HEATR5B: variants seen among roughly 807,000 people sequenced by gnomAD.
HEATR5B encodes HEAT repeat-containing protein 5B.
In HEATR5B, 156 loss-of-function variants were observed where a neutral mutation model predicts 224.1. The observed-to-expected ratio is 0.70, with a 90% CI of 0.61 to 0.80. The LOEUF is 0.80. HEATR5B is among the 30% of genes least tolerant of loss of function. The pLI, the probability that HEATR5B is intolerant of heterozygous loss-of-function variation, is 0.00. For synonymous variants in HEATR5B, 1,027 were observed against 893.0 expected, an observed-to-expected ratio of 1.15 and a Z score of -2.68; for missense variants, 2,323 against 2,535.5, an observed-to-expected ratio of 0.92 and a Z score of 1.80.
rs750565370 is a variant in HEATR5B, at chr2:37,084,304, G to C, written c.-58C>G. 11 of 397,646 alleles carry C rather than the reference G, an allele frequency of 2.8e-5. No individual in the cohort carries two copies. The East Asian group carries it at 2.9e-4, about 10-fold the overall frequency. The allele number at this position is 397,646 out of a possible 1,614,324, so 24.6% of individuals were successfully genotyped here. ...GGAAGGGAAGATCAGCTGAGCTCCG[G>C]GGGTAGAAGCAGCCACCAAGAGACC... On this transcript the variant is annotated 5_prime_UTR_variant, in exon 1 of 36. Transcript: ENST00000233099.
intron 33 of HEATR5B, among the ~76,000 whole-genome samples, chr2:36,992,151 T>C (rs764116249): frequency 2.6e-5 from 4 of 152,134 alleles, no homozygotes; most frequent in African/African-American, 4.8e-5. Context: ...TGAGCCAAGA[T>C]TGCGCCACTG....
At chr2:37,049,598 T>C (rs1055434380) in intron 18 of HEATR5B, 55 bp downstream of exon 18, 14 of 1,442,464 alleles carry the variant, frequency 9.7e-6, no homozygotes, top group Non-Finnish European at 1.3e-5. Context: ...TTGATTATTA[T>C]TTAAAAGACA....
At chr2:37,024,295 G>A (rs887151544) in intron 24 of HEATR5B, among the ~76,000 whole-genome samples, 2 of 152,082 alleles carry the variant, frequency 1.3e-5, no homozygotes, top group African/African-American at 4.8e-5. Flanking sequence ...AGTTAAATAG[G>A]AGGAATAAGT....
chr2:36,992,881 T>C (rs1236787530), intron 33 of HEATR5B, among the ~76,000 whole-genome samples: 1 of 151,916 alleles, frequency 6.6e-6, no homozygotes, highest in Non-Finnish European at 1.5e-5. Flanking sequence ...TGCACCACCA[T>C]GTACAGCTGA....
At chr2:37,066,698 T>G (rs917208735) in intron 8 of HEATR5B, among the ~76,000 whole-genome samples, 1 of 152,178 alleles carries the variant, frequency 6.6e-6, no homozygotes, top group Non-Finnish European at 1.5e-5. Context: ...TATCATTATA[T>G]TTAATTCTGC....
intron 26 of HEATR5B, among the ~76,000 whole-genome samples, chr2:37,016,843 A>G (rs932720866): frequency 6.6e-6 from 1 of 152,204 alleles, no homozygotes; most frequent in South Asian, 2.1e-4. Flanking sequence ...ATTAATAAGG[A>G]CATTTTTAAC....
In HEATR5B at chr2:36,990,671, C is replaced by T. The variant is rs1666267852; in HGVS notation, c.5674G>A (p.Ala1892Thr). ...ACCCATGGGTCGCATGAATTTAATG[C>T]ATTTTTAAATCTGTTCATGCAGCCA... ...QNGCMNRFKN[A>T]LNSCDPWVQA... Residue 1892 changes from alanine (A) to threonine (T), a missense_variant, in exon 34 of 36, where the codon GCA (alanine) becomes ACA (threonine). By Grantham distance (58) the Ala-to-Thr change is moderately conservative. Around this residue, in one of 12 missense-constraint regions of HEATR5B, gnomAD observed 844 missense variants for 812.9 expected, o/e 1.04. Coordinates refer to ENST00000233099, the MANE Select transcript of HEATR5B (RefSeq NM_019024.3). The T allele has an allele frequency of 3.1e-6, 5 of 1,594,068 alleles. No homozygotes were observed. The highest frequency in any genetic ancestry group is 2.6e-6 in the Non-Finnish European group (3 of 1,170,422).
chr2:36,988,913 T>A, intron 34 of HEATR5B, 54 bp from the exon 35 acceptor site: 2 of 1,306,660 alleles, frequency 1.5e-6, no homozygotes, highest in South Asian at 2.4e-5. Context: ...TTATTTGCTC[T>A]ACAATCACAT....
chr2:37,033,877 G>A (rs1448136718), intron 21 of HEATR5B, among the ~76,000 whole-genome samples: 2 of 152,124 alleles, frequency 1.3e-5, no homozygotes, highest in Non-Finnish European at 2.9e-5. Context: ...CTCAACAAAT[G>A]TAAGCTATTA....
At chr2:36,998,503 T>C (rs62133077) in intron 33 of HEATR5B, among the ~76,000 whole-genome samples, 28,702 of 152,196 alleles carry the variant, frequency 0.19, 3,324 homozygotes, top group East Asian at 0.53. Flanking sequence ...TCTGATGACA[T>C]TGAAATGTAC....
At chr2:37,065,720 G>A in intron 9 of HEATR5B, 35 bp downstream of exon 9, 1 of 1,574,436 alleles carries the variant, frequency 6.4e-7, no homozygotes, top group Non-Finnish European at 8.7e-7. Flanking sequence ...TGAAAAAAGT[G>A]GAAACACATA....
At chr2:37,055,134 T>C in intron 16 of HEATR5B, 2 of 394,314 alleles carry the variant, frequency 5.1e-6, no homozygotes, top group Admixed American at 2.8e-5. Flanking sequence ...AGCCTGCTGG[T>C]TGAAAACCAA....
rs1666120138 is a variant in HEATR5B at position 36,988,768 on chromosome 2, A to G, written c.5789T>C (p.Ile1930Thr). ...STPYIHSLAP[I>T]VVEKLKAVER... is the part of the protein sequence containing the mutation. ...AACAGCTTTTAGCTTTTCAACCACT[A>G]TTGGAGCTAATGAATGAATATAAGG... Residue 1930 changes from isoleucine to threonine, a missense_variant, in exon 35 of 36, where the codon ATA (isoleucine) becomes ACA (threonine). This residue lies in a region of HEATR5B where 844 missense variants were observed against 812.9 expected (regional missense o/e 1.04). Transcript: ENST00000233099. 2.5e-6 allele frequency: 4 copies of G among 1,613,844 alleles called. No individual in the cohort carries two copies. The highest frequency in any genetic ancestry group is 2.7e-5 in the African/African-American group (2 of 74,902).
At chr2:37,003,061 C>G (rs1667192863) in intron 31 of HEATR5B, among the ~76,000 whole-genome samples, 1 of 151,710 alleles carries the variant, frequency 6.6e-6, no homozygotes, top group South Asian at 2.1e-4. Context: ...GAGTTCGAGA[C>G]CAGCCTAACA....
At position 36,981,538 on chromosome 2, in the gene HEATR5B, G is replaced by C. The variant is rs566987477; in HGVS notation, c.6168C>G (p.Pro2056=). The C allele has an allele frequency of 6.2e-6, 10 of 1,613,488 alleles. No individual in the cohort carries two copies. The highest frequency in any genetic ancestry group is 1.3e-5 in the African/African-American group (1 of 74,918). ...KAKAAARQPA[P]AIHSAPTIKL... Reference sequence around the variant, plus strand: ...TAATTGTTGGTGCAGAATGTATGGCGGGGGCTGGTTGTCTGGCAGCCGCTT... The same window carrying C: ...TAATTGTTGGTGCAGAATGTATGGCCGGGGCTGGTTGTCTGGCAGCCGCTT... The change falls in exon 36 of 36, where the codon CCC becomes CCG. Residue 2056 remains proline, a synonymous_variant. Coordinates refer to ENST00000233099, the MANE Select transcript of HEATR5B (RefSeq NM_019024.3).
At chr2:37,049,314 C>G (rs1281216009) in intron 18 of HEATR5B, among the ~76,000 whole-genome samples, 1 of 151,968 alleles carries the variant, frequency 6.6e-6, no homozygotes, top group Non-Finnish European at 1.5e-5. Context: ...TAAAGAGGGA[C>G]AAGGAAAGGG....
chr2:37,054,224 C>T (rs1165721656), intron 16 of HEATR5B, among the ~76,000 whole-genome samples: 10 of 107,264 alleles, frequency 9.3e-5, no homozygotes, highest in Admixed American at 3.8e-4. Flanking sequence ...GATGGAGTTT[C>T]GCTCTTGTTG....
At chr2:36,989,929 G>A (rs902807223) in intron 34 of HEATR5B, among the ~76,000 whole-genome samples, 5 of 110,454 alleles carry the variant, frequency 4.5e-5, no homozygotes, top group African/African-American at 1.9e-4. Context: ...TTTTTGAGAC[G>A]GAGTCTCACA....
intron 17 of HEATR5B, among the ~76,000 whole-genome samples, chr2:37,053,207 T>C (rs1046253908): frequency 6.6e-6 from 1 of 152,260 alleles, no homozygotes; most frequent in East Asian, 1.9e-4. Flanking sequence ...TAACCTTCAG[T>C]AGAATATCCG....
Sources: gnomAD v4.1 joint callset for allele counts (sites outside exome capture counted in the v4.1 genomes callset) on GRCh38, gnomAD v4.1.1 for gene constraint, gnomAD v4.1.1 regional missense constraint, MANE v1.5 for transcripts, NCBI Gene and HGNC (gene_info 2026-07-23, HGNC 2026-07-21) for gene names.